Variants in CFAP20DC observed in about 807,000 individuals in gnomAD.
The protein encoded by CFAP20DC is CFAP20 domain containing, also known as protein CFAP20DC.
In CFAP20DC, 84 loss-of-function variants were observed where a neutral mutation model predicts 101.7. The ratio of observed to expected loss-of-function variants is 0.83; its 90% CI spans 0.69 to 0.99. CFAP20DC has a LOEUF of 0.99. Among genes scored for constraint, CFAP20DC ranks in the 50% least tolerant of loss-of-function variants. The pLI is 0.00. For synonymous variants in CFAP20DC, 359 were observed against 351.2 expected (o/e 1.02, Z -0.25); for missense variants, 1,007 against 970.3 (o/e 1.04, Z -0.50).
intron 16 of CFAP20DC, among the ~76,000 whole-genome samples, chr3:58,745,539 T>C (rs2068130149): frequency 6.6e-6 from 1 of 152,182 alleles, no homozygotes; most frequent in Non-Finnish European, 1.5e-5. Flanking sequence ...GGACCTTGGT[T>C]TCCTTGTTTA....
intron 4 of CFAP20DC, among the ~76,000 whole-genome samples, chr3:58,946,396 G>A (rs569095386): frequency 5.4e-4 from 82 of 152,130 alleles, no homozygotes; most frequent in African/African-American, 1.8e-3. Flanking sequence ...GGATTACAGC[G>A]TGGGCCACCC....
At chr3:58,796,269 T>C (rs1023083838) in intron 15 of CFAP20DC, among the ~76,000 whole-genome samples, 2 of 152,054 alleles carry the variant, frequency 1.3e-5, no homozygotes, top group African/African-American at 4.8e-5. Flanking sequence ...TGCTGGTGAA[T>C]TGCTGGGTCT....
Position 58,971,129 on chromosome 3 carries a change from G to A in CFAP20DC, c.279-33367C>T, listed in dbSNP as rs1424641772. 6.6e-6 allele frequency among the ~76,000 whole-genome samples: 1 copy of A among 152,108 alleles called. No individual in the cohort carries two copies. The highest frequency in any genetic ancestry group is 2.4e-5 in the African/African-American group (1 of 41,434). ...TGTTAATACACAGATGTAGGACATT[G>A]CTTGTTCCAGCTAATTGACTATTCT... On this transcript the variant is annotated intron_variant, in intron 4 of 16. Transcript: ENST00000482387. This position sits in a 1 kb window ranked among gnomAD's most constrained non-coding sequence, Gnocchi z 4.1.
chr3:58,900,227 G>C (rs1366958161), intron 6 of CFAP20DC, among the ~76,000 whole-genome samples: 1 of 152,216 alleles, frequency 6.6e-6, no homozygotes, highest in African/African-American at 2.4e-5. Flanking sequence ...TAGCCTGGAA[G>C]TGAATGACTG....
At chr3:59,011,360 T>C (rs2093578612) in intron 4 of CFAP20DC, among the ~76,000 whole-genome samples, 1 of 146,518 alleles carries the variant, frequency 6.8e-6, no homozygotes, top group Admixed American at 6.9e-5. Context: ...ATTGCACCAC[T>C]ACACTCCAGC....
At chr3:58,931,087 G>C (rs1376865228) in intron 5 of CFAP20DC, among the ~76,000 whole-genome samples, 1 of 152,176 alleles carries the variant, frequency 6.6e-6, no homozygotes, top group South Asian at 2.1e-4. Flanking sequence ...CTTTTCCGAT[G>C]GGGCTTAAAA....
At chr3:58,800,779 C>T (rs2073630136) in intron 15 of CFAP20DC, among the ~76,000 whole-genome samples, 1 of 152,040 alleles carries the variant, frequency 6.6e-6, no homozygotes, top group South Asian at 2.1e-4. Flanking sequence ...CTCATCAAAA[C>T]ACAATTTTAT....
rs2093301088 is a variant in CFAP20DC at position 59,001,243 on chromosome 3, A to G, written c.278+38314T>C. Among the ~76,000 whole-genome samples the G allele has an allele frequency of 6.6e-6, 1 of 152,184 alleles. No individual in the cohort carries two copies. Among genetic ancestry groups the G allele is most frequent in the Non-Finnish European group, 1.5e-5 (1 of 68,040 alleles). On this transcript the variant is annotated intron_variant, in intron 4 of 16. Coordinates refer to ENST00000482387, the MANE Select transcript of CFAP20DC (RefSeq NM_001394063.1). This position sits in a 1 kb window ranked among gnomAD's most constrained non-coding sequence, Gnocchi z 4.5. ...CTTAATTTCTATACTTTATCCTTGA[A>G]GATTCTTTGATACTACTATAAAAAT...
rs375202924 is a variant in CFAP20DC at position 58,913,853 on chromosome 3, T to C, written c.405A>G (p.Leu135=). 8 of 1,613,286 alleles carry C rather than the reference T, an allele frequency of 5.0e-6. No homozygotes were observed. The highest frequency in any genetic ancestry group is 4.0e-5 in the African/African-American group (3 of 74,848). The part of the protein sequence containing the change: ...FMIKRKIWCN[L]CIDLVAFTSE... The stretch of plus-strand genomic sequence containing the variant: ...TGGTGAATGCTACTAAGTCAATGCA[T>C]AGATTGCACCACTAAAATAGAGAGA... Residue 135 remains leucine (L), a synonymous_variant, in exon 6 of 17, where the codon CTA becomes CTG. Coordinates refer to ENST00000482387, the MANE Select transcript of CFAP20DC (RefSeq NM_001394063.1). This position sits in a 1 kb window ranked among gnomAD's most constrained non-coding sequence, Gnocchi z 4.4.
chr3:58,736,471 CATT>C (rs1011784645), intron 3 of CFAP20DC, among the ~76,000 whole-genome samples: 1 of 152,146 alleles, frequency 6.6e-6, no homozygotes, highest in Non-Finnish European at 1.5e-5. Flanking sequence ...AAAACTCCAT[CATT>C]AATAAAAGTT....
intron 15 of CFAP20DC, among the ~76,000 whole-genome samples, chr3:58,778,384 G>A (rs543446781): frequency 3.0e-4 from 45 of 152,236 alleles, no homozygotes; most frequent in Non-Finnish European, 5.4e-4. Flanking sequence ...ATTCCTCTTC[G>A]GGTGTGAGGT....
At chr3:58,762,368 T>C (rs992055711) in intron 15 of CFAP20DC, among the ~76,000 whole-genome samples, 1 of 152,210 alleles carries the variant, frequency 6.6e-6, no homozygotes, top group African/African-American at 2.4e-5. Flanking sequence ...ACCCCCGCAT[T>C]TTTTTGTTTT....
At chr3:58,905,972 T>C (rs2083548501) in intron 6 of CFAP20DC, among the ~76,000 whole-genome samples, 1 of 152,138 alleles carries the variant, frequency 6.6e-6, no homozygotes, top group Admixed American at 6.5e-5. Context: ...TAATTAGGAA[T>C]ATAAGCTCTG....
chr3:58,797,029 C>G (rs969301047), intron 15 of CFAP20DC, among the ~76,000 whole-genome samples: 1 of 152,136 alleles, frequency 6.6e-6, no homozygotes, highest in East Asian at 1.9e-4. Flanking sequence ...TCTCTCCCTC[C>G]TTGGGCCTAC....
intron 13 of CFAP20DC, among the ~76,000 whole-genome samples, chr3:58,838,035 T>A (rs909579380): frequency 6.6e-6 from 1 of 152,160 alleles, no homozygotes; most frequent in Admixed American, 6.6e-5. Context: ...ACCTGACTCA[T>A]TGGGGATGTA....
At chr3:58,915,719 T>C (rs533888027) in intron 5 of CFAP20DC, among the ~76,000 whole-genome samples, 2 of 152,254 alleles carry the variant, frequency 1.3e-5, no homozygotes, top group Admixed American at 6.5e-5. Flanking sequence ...ATTTTAAAAA[T>C]TGTATTATGG....
chr3:58,936,710 T>C (rs1194045988), intron 5 of CFAP20DC, among the ~76,000 whole-genome samples: 1 of 151,442 alleles, frequency 6.6e-6, no homozygotes, highest in Non-Finnish European at 1.5e-5. Context: ...CCCGCACAGG[T>C]GGGAATTGAA....
In CFAP20DC at chr3:58,892,979, G is replaced by A. The variant is rs181794729; in HGVS notation, c.551-8270C>T. On this transcript the variant is annotated intron_variant, in intron 6 of 16. Transcript: ENST00000482387. This position sits in a 1 kb window ranked among gnomAD's most constrained non-coding sequence, Gnocchi z 4.0. ...ATTGGCTGTGGGTTTGTCATATACA[G>A]TTCTTATTATTTTGAGGTGTGTTTC... 2.6e-5 allele frequency among the ~76,000 whole-genome samples: 4 copies of A among 151,696 alleles called. No individual in the cohort carries two copies. The highest frequency in any genetic ancestry group is 9.7e-5 in the African/African-American group (4 of 41,368).
At chr3:58,757,168 C>T (rs1024149968) in intron 15 of CFAP20DC, among the ~76,000 whole-genome samples, 4 of 152,058 alleles carry the variant, frequency 2.6e-5, no homozygotes, top group African/African-American at 4.8e-5. Context: ...TACCTGTCTT[C>T]ATTCTCACCA....
Sources: allele counts gnomAD v4.1 joint callset (sites outside exome capture counted in the v4.1 genomes callset), GRCh38; gene constraint gnomAD v4.1.1; non-coding constraint Gnocchi (gnomAD v3.1); transcripts MANE v1.5; gene names NCBI Gene and HGNC (gene_info 2026-07-23, HGNC 2026-07-21).